Variants in CSMD1 observed in about 807,000 individuals in gnomAD.
CSMD1 encodes CUB and Sushi multiple domains 1.
CSMD1 carries 213 observed loss-of-function variants against 417.5 expected under a neutral mutation model. That is an observed-to-expected ratio of 0.51 (90% CI 0.46 to 0.57). The LOEUF is 0.57. Ranked by LOEUF, CSMD1 falls within the 20% of genes least tolerant of loss-of-function variation. CSMD1 has a pLI of 0.00. For missense variants in CSMD1, 6,923 were observed against 4,529.7 expected (o/e 1.53, Z -15.17); for synonymous variants, 2,862 against 1,736.8 (o/e 1.65, Z -16.11).
chr8:3,106,735 T>C, intron 45 of CSMD1, 94 bp from the exon 46 acceptor site: 1 of 585,136 alleles, frequency 1.7e-6, no homozygotes, highest in Non-Finnish European at 3.0e-6. Flanking sequence ...ATGAATTAAA[T>C]CAACTTGCAA....
chr8:3,074,011 G>A (rs1322040075), intron 49 of CSMD1, among the ~76,000 whole-genome samples: 1 of 152,204 alleles, frequency 6.6e-6, no homozygotes, highest in African/African-American at 2.4e-5. Flanking sequence ...TTCAGGTACG[G>A]GCGTGGCCTC....
intron 1 of CSMD1, among the ~76,000 whole-genome samples, chr8:4,914,890 G>A (rs1290505707): frequency 1.3e-5 from 2 of 152,220 alleles, no homozygotes; most frequent in African/African-American, 4.8e-5. Flanking sequence ...AGAAAGACAT[G>A]GGGTATTCCC....
intron 3 of CSMD1, among the ~76,000 whole-genome samples, chr8:4,122,095 T>C (rs901122474): frequency 3.3e-5 from 5 of 152,100 alleles, no homozygotes; most frequent in Admixed American, 1.3e-4. Flanking sequence ...ATCATAGAAA[T>C]ATAATATTGT....
intron 3 of CSMD1, among the ~76,000 whole-genome samples, chr8:4,032,671 C>G (rs995636934): frequency 1.3e-5 from 2 of 152,182 alleles, no homozygotes; most frequent in East Asian, 1.9e-4. Flanking sequence ...AAATGTTCCA[C>G]TACTGTATTC....
At chr8:3,484,935 G>A (rs966366075) in intron 11 of CSMD1, among the ~76,000 whole-genome samples, 3 of 152,100 alleles carry the variant, frequency 2.0e-5, no homozygotes, top group East Asian at 1.9e-4. Context: ...TGGGGACGGC[G>A]TGAGCATGAG....
At chr8:4,878,225 G>C (rs778483608) in intron 1 of CSMD1, among the ~76,000 whole-genome samples, 2 of 151,966 alleles carry the variant, frequency 1.3e-5, no homozygotes, top group Non-Finnish European at 2.9e-5. Flanking sequence ...GGTGAGAAAA[G>C]AAAAGAAAGG....
chr8:4,227,097 C>A (rs1349376746), intron 3 of CSMD1, among the ~76,000 whole-genome samples: 1 of 152,146 alleles, frequency 6.6e-6, no homozygotes, highest in African/African-American at 2.4e-5. Context: ...TGCCTGAGGT[C>A]TTTTCTGGGA....
chr8:2,942,417 T>C, intron 69 of CSMD1, 55 bp downstream of exon 69: 4 of 1,514,786 alleles, frequency 2.6e-6, no homozygotes, highest in Non-Finnish European at 3.6e-6. Context: ...CCCATTACTT[T>C]AAACCCATAG....
intron 8 of CSMD1, among the ~76,000 whole-genome samples, chr8:3,607,650 G>A (rs1383668120): frequency 6.6e-6 from 1 of 152,176 alleles, no homozygotes; most frequent in Non-Finnish European, 1.5e-5. Flanking sequence ...CATATATGCA[G>A]TCCATTGTTA....
intron 5 of CSMD1, among the ~76,000 whole-genome samples, chr8:3,813,393 G>T (rs1310105859): frequency 2.0e-5 from 3 of 152,086 alleles, no homozygotes; most frequent in African/African-American, 4.8e-5. Flanking sequence ...GGAGATTTAA[G>T]GAGGTGATAT....
intron 23 of CSMD1, among the ~76,000 whole-genome samples, chr8:3,329,748 C>T (rs947827490): frequency 6.6e-6 from 1 of 152,134 alleles, no homozygotes; most frequent in Non-Finnish European, 1.5e-5. Context: ...GAGCAGAGGC[C>T]ATGCCATCAG....
intron 26 of CSMD1, among the ~76,000 whole-genome samples, chr8:3,258,130 CAG>C (rs1041396169): frequency 6.6e-6 from 1 of 151,896 alleles, no homozygotes; most frequent in African/African-American, 2.4e-5. Flanking sequence ...ATATGAAAGA[CAG>C]AATATGAGAA....
At chr8:3,899,857 T>G (rs958584160) in intron 5 of CSMD1, among the ~76,000 whole-genome samples, 1 of 152,204 alleles carries the variant, frequency 6.6e-6, no homozygotes. Flanking sequence ...AAATGTCCAT[T>G]TCTTCAGTTC....
intron 35 of CSMD1, among the ~76,000 whole-genome samples, chr8:3,188,415 C>T (rs1164140553): frequency 8.2e-5 from 12 of 145,762 alleles, no homozygotes; most frequent in African/African-American, 3.0e-4. Context: ...CAAGCAATTC[C>T]CCTGCCTCAG....
At chr8:4,265,263 T>G (rs530261932) in intron 3 of CSMD1, among the ~76,000 whole-genome samples, 3 of 152,094 alleles carry the variant, frequency 2.0e-5, no homozygotes, top group Non-Finnish European at 4.4e-5. Context: ...TTTTATGGAA[T>G]AGCAAACAAG....
intron 10 of CSMD1, among the ~76,000 whole-genome samples, chr8:3,526,813 T>C (rs182676611): frequency 6.6e-6 from 1 of 152,342 alleles, no homozygotes; most frequent in African/African-American, 2.4e-5. Context: ...TGGTTATGTA[T>C]GTAACAACCT....
At chr8:3,406,463 T>G (rs191544507) in intron 14 of CSMD1, among the ~76,000 whole-genome samples, 2 of 152,178 alleles carry the variant, frequency 1.3e-5, no homozygotes, top group Non-Finnish European at 2.9e-5. Flanking sequence ...AATTTAGGGT[T>G]TGAAAAGCAC....
intron 1 of CSMD1, among the ~76,000 whole-genome samples, chr8:4,821,139 A>C (rs1208722882): frequency 6.6e-6 from 1 of 152,166 alleles, no homozygotes; most frequent in Non-Finnish European, 1.5e-5. Context: ...CAAGACGCCG[A>C]AACTTCTCTG....
rs2897778 is a variant in CSMD1, at chr8:4,151,812, G to T, written c.416-119713C>A. On this transcript the variant is annotated intron_variant, in intron 3 of 69. Transcript: ENST00000635120. ...TATTTTATATGAAAAATAATTGTTC[G>T]AAGTTTTTTTATATATATAGCATGA... 8.7e-3 allele frequency among the ~76,000 whole-genome samples: 1,324 copies of T among 152,064 alleles called. 22 individuals carry two copies. Among genetic ancestry groups the T allele is most frequent in the African/African-American group, 0.031 (1,268 of 41,486 alleles).
Sources: gnomAD v4.1 joint callset for allele counts (sites outside exome capture counted in the v4.1 genomes callset) on GRCh38, gnomAD v4.1.1 for gene constraint, MANE v1.5 for transcripts, NCBI Gene and HGNC (gene_info 2026-07-23, HGNC 2026-07-21) for gene names.